The following MYO5A variants were observed in gnomAD, a reference collection of about 807,000 sequenced individuals.
MYO5A encodes the protein unconventional myosin-Va.
Under a neutral mutation model 249.7 loss-of-function variants are expected in MYO5A, and 98 were observed. The observed-to-expected ratio is 0.39, with a 90% confidence interval of 0.33 to 0.46. The LOEUF is 0.46. Among genes scored for constraint, MYO5A ranks in the 20% least tolerant of loss-of-function variants. The pLI, the probability that MYO5A is intolerant of heterozygous loss-of-function variation, is 0.98. For missense variants in MYO5A, 1,696 were observed against 2,308.8 expected (o/e 0.73, Z 5.44); for synonymous variants, 778 against 810.6 (o/e 0.96, Z 0.68).
At chr15:52,429,521 T>A (rs1057322103) in intron 2 of MYO5A, among the ~76,000 whole-genome samples, 2 of 151,988 alleles carry the variant, frequency 1.3e-5, no homozygotes, top group Non-Finnish European at 2.9e-5. Flanking sequence ...AAACCCCATC[T>A]CTACTAAAAA....
intron 1 of MYO5A, among the ~76,000 whole-genome samples, chr15:52,500,221 G>A (rs1392854528): frequency 6.6e-6 from 1 of 151,998 alleles, no homozygotes; most frequent in Non-Finnish European, 1.5e-5. Context: ...GGCATGAAAT[G>A]ATATTTCATT....
intron 9 of MYO5A, among the ~76,000 whole-genome samples, chr15:52,403,867 A>G (rs1312710193): frequency 6.6e-6 from 1 of 152,148 alleles, no homozygotes; most frequent in Non-Finnish European, 1.5e-5. Flanking sequence ...ATGGCTTAGG[A>G]AAATTACACC....
intron 20 of MYO5A, among the ~76,000 whole-genome samples, chr15:52,374,493 G>A (rs2041296475): frequency 6.6e-6 from 1 of 152,262 alleles, no homozygotes; most frequent in South Asian, 2.1e-4. Flanking sequence ...CTTTGCAGAT[G>A]TGATTAGGTT....
chr15:52,396,045 C>G (rs1025273205), intron 11 of MYO5A, among the ~76,000 whole-genome samples: 7 of 152,156 alleles, frequency 4.6e-5, no homozygotes, highest in Non-Finnish European at 1.0e-4. Flanking sequence ...CTTCATACTC[C>G]CAAGCAATTA....
chr15:52,523,190 C>A (rs2077658230), intron 1 of MYO5A, among the ~76,000 whole-genome samples: 1 of 152,166 alleles, frequency 6.6e-6, no homozygotes, highest in African/African-American at 2.4e-5. Context: ...ACCTGTCTCT[C>A]GGATTTATCC....
chr15:52,444,043 T>C (rs1295423340), intron 1 of MYO5A, among the ~76,000 whole-genome samples: 1 of 152,200 alleles, frequency 6.6e-6, no homozygotes, highest in Non-Finnish European at 1.5e-5. Context: ...ATTATCATTT[T>C]AAATTTAGGA....
chr15:52,386,142 C>A (rs948428387), intron 14 of MYO5A, among the ~76,000 whole-genome samples: 3 of 152,016 alleles, frequency 2.0e-5, no homozygotes, highest in African/African-American at 7.2e-5. Flanking sequence ...CATGGTGAAA[C>A]CCCATCTCAA....
At chr15:52,525,126 T>C (rs1346004923) in intron 1 of MYO5A, among the ~76,000 whole-genome samples, 1 of 152,172 alleles carries the variant, frequency 6.6e-6, no homozygotes, top group East Asian at 1.9e-4. Flanking sequence ...AAGTCAAGAC[T>C]AGCAAATATT....
intron 2 of MYO5A, 39 bp downstream of exon 2, chr15:52,433,136 A>C (rs2075578566): frequency 7.1e-7 from 1 of 1,417,912 alleles, no homozygotes; most frequent in Non-Finnish European, 1.0e-6. Context: ...AACTCCCTTC[A>C]CTTTATGCCA....
At chr15:52,369,297 C>T (rs960865489) in intron 22 of MYO5A, among the ~76,000 whole-genome samples, 1 of 152,198 alleles carries the variant, frequency 6.6e-6, no homozygotes, top group African/African-American at 2.4e-5. Context: ...CCAGCAGTTA[C>T]AGCTGACACA....
In MYO5A at chr15:52,428,608, G is replaced by T. The variant is rs145459068; in HGVS notation, c.139-39C>A. The T allele has an allele frequency of 6.2e-4, 990 of 1,607,398 alleles. 8 individuals carry two copies. The East Asian group carries it at 0.012, about 19-fold the overall frequency. On this transcript the variant is annotated intron_variant, in intron 2 of 41. Coordinates refer to ENST00000399233, the MANE Select transcript of MYO5A (RefSeq NM_001382347.1). ...AGGCACAGCATCTGGATGAATTATG[G>T]CAAGGACTGTGAAAGAGGCCCATGC...
chr15:52,394,818 T>G (rs1432380920), intron 11 of MYO5A, among the ~76,000 whole-genome samples: 1 of 152,106 alleles, frequency 6.6e-6, no homozygotes, highest in African/African-American at 2.4e-5. Flanking sequence ...ATTAAGAAAC[T>G]CAGGAACACC....
intron 1 of MYO5A, among the ~76,000 whole-genome samples, chr15:52,493,143 C>A (rs924497113): frequency 6.6e-6 from 1 of 152,088 alleles, no homozygotes; most frequent in African/African-American, 2.4e-5. Context: ...GAAAAGGTAG[C>A]CTTTTGTCCA....
chr15:52,512,137 T>A (rs561518954), intron 1 of MYO5A, among the ~76,000 whole-genome samples: 1 of 142,954 alleles, frequency 7.0e-6, no homozygotes, highest in South Asian at 2.2e-4. Flanking sequence ...CACTCCAGCC[T>A]AGGCGACAGA....
At chr15:52,389,488 T>A in intron 12 of MYO5A, 125 bp from the exon 13 acceptor site, 1 of 910,484 alleles carries the variant, frequency 1.1e-6, no homozygotes, top group Non-Finnish European at 1.6e-6. Context: ...TACAATTCAA[T>A]TTAGGAGTTC....
At chr15:52,486,547 T>G (rs11856542) in intron 1 of MYO5A, among the ~76,000 whole-genome samples, 22,869 of 152,236 alleles carry the variant, frequency 0.15, 1,835 homozygotes, top group Middle Eastern at 0.22. Flanking sequence ...GAGATTAGAC[T>G]TATTAATAAA....
chr15:52,411,473 A>T (rs1233268959), intron 5 of MYO5A, among the ~76,000 whole-genome samples: 2 of 152,140 alleles, frequency 1.3e-5, no homozygotes, highest in African/African-American at 4.8e-5. Flanking sequence ...AACCTTAAAA[A>T]TTTTAATGAC....
intron 14 of MYO5A, among the ~76,000 whole-genome samples, chr15:52,386,316 C>CAAA (rs1478508772): frequency 6.6e-6 from 1 of 151,300 alleles, no homozygotes; most frequent in African/African-American, 2.4e-5. Flanking sequence ...TGTCTCAAAA[C>CAAA]AACAACAACA....
chr15:52,329,356 G>A (rs2038760633), intron 35 of MYO5A, among the ~76,000 whole-genome samples: 1 of 152,240 alleles, frequency 6.6e-6, no homozygotes, highest in African/African-American at 2.4e-5. Flanking sequence ...TGTCACCCTG[G>A]CACCTGGCGG....
Sources: allele counts gnomAD v4.1 joint callset (sites outside exome capture counted in the v4.1 genomes callset), GRCh38; gene constraint gnomAD v4.1.1; transcripts MANE v1.5; gene names NCBI Gene and HGNC (gene_info 2026-07-23, HGNC 2026-07-21).